Variants in DNAH17 observed in about 807,000 individuals in gnomAD.
DNAH17 encodes dynein axonemal heavy chain 17.
DNAH17 carries 376 observed loss-of-function variants against 485.6 expected under a neutral mutation model. The ratio of observed to expected loss-of-function variants is 0.77; its 90% CI spans 0.71 to 0.84. The LOEUF (loss-of-function observed/expected upper bound fraction) is 0.84, where lower values mean the gene tolerates loss of function less well. Among genes scored for constraint, DNAH17 ranks in the 40% least tolerant of loss-of-function variants. DNAH17 has a pLI of 0.00. For missense variants in DNAH17, 6,370 were observed against 5,839.3 expected, an observed-to-expected ratio of 1.09 and a Z score of -2.96; for synonymous variants, 3,031 against 2,405.9, an observed-to-expected ratio of 1.26 and a Z score of -7.60.
At chr17:78,505,572 G>A (rs1249569892) in intron 30 of DNAH17, 127 bp from the exon 31 acceptor site, 26 of 1,227,834 alleles carry the variant, frequency 2.1e-5, no homozygotes, top group Non-Finnish European at 2.9e-5. Context: ...TTTGATCAAC[G>A]TTGACTAAAC....
rs691291 is a variant in DNAH17, at chr17:78,498,968, C to T, written c.5745+40G>A. 0.83 allele frequency: 1,254,774 copies of T among 1,504,580 alleles called. 525,016 individuals are homozygous for T. The highest frequency in any genetic ancestry group is 0.99 in the East Asian group (41,460 of 42,004). 93.2% of individuals were successfully genotyped at this position (1,504,580 alleles called of 1,614,324 possible). ...GTCACAGGAAAGCTGACGAGCCAGT[C>T]ACCCGACGTGACCCCGAGGCCGCAG... On this transcript the variant is annotated intron_variant, in intron 37 of 80. Transcript: ENST00000389840.
intron 60 of DNAH17, 33 bp downstream of exon 60, chr17:78,459,751 A>C: frequency 2.5e-6 from 4 of 1,610,874 alleles, no homozygotes; most frequent in Non-Finnish European, 3.4e-6. Flanking sequence ...AATCGGAGGG[A>C]AGCCCCGGCT....
At chr17:78,532,001 C>T (rs984484914) in intron 20 of DNAH17, among the ~76,000 whole-genome samples, 7 of 152,184 alleles carry the variant, frequency 4.6e-5, no homozygotes, top group Non-Finnish European at 7.3e-5. Flanking sequence ...TGAGCCAACC[C>T]GGAGCCCACA....
rs761947816 is a variant in DNAH17 at position 78,428,536 on chromosome 17, G to A, written c.12577C>T (p.Arg4193Cys). The A allele has an allele frequency of 2.4e-5, 38 of 1,607,668 alleles. 1 individual carries two copies. The South Asian group carries it at 2.4e-4, about 10-fold the overall frequency. The stretch of plus-strand genomic sequence containing the variant: ...TTCAAAGATCCTGCCTTCTCCTCGC[G>A]GGACACTCCCGTGCCTGCCCCCGAG... ...TDSGAGTGVS[R>C]EEKVKAVLDD... Residue 4193 changes from arginine to cysteine, a missense_variant, in exon 77 of 81, where the codon CGC becomes TGC. Coordinates refer to ENST00000389840, the MANE Select transcript of DNAH17 (RefSeq NM_173628.4).
intron 16 of DNAH17, 30 bp from the exon 17 acceptor site, chr17:78,544,027 G>T (rs778906076): frequency 2.5e-6 from 4 of 1,613,268 alleles, no homozygotes; most frequent in South Asian, 1.1e-5. Flanking sequence ...GTGAGAAAAG[G>T]TGTTCTGGAG....
intron 27 of DNAH17, among the ~76,000 whole-genome samples, chr17:78,508,836 G>A (rs1391138692): frequency 6.6e-6 from 1 of 151,778 alleles, no homozygotes; most frequent in Non-Finnish European, 1.5e-5. Context: ...TAGGGACAGG[G>A]TCCAGCCCAG....
intron 54 of DNAH17, among the ~76,000 whole-genome samples, chr17:78,473,301 C>T (rs2588549): frequency 0.35 from 53,340 of 151,932 alleles, 12,589 homozygotes; most frequent in African/African-American, 0.68. Flanking sequence ...TCCCAGCACT[C>T]TGGGAGGCTG....
Position 78,561,726 on chromosome 17 carries a change from G to C in DNAH17, c.1824C>G (p.His608Gln), listed in dbSNP as rs138390056. 4 of 1,607,574 alleles carry C rather than the reference G, an allele frequency of 2.5e-6. No homozygotes were observed. The African/African-American group carries it at 5.3e-5, about 21-fold the overall frequency. ...RLEVSMKHLK[H>Q]VEHPVMSGAE... Reference sequence around the variant, plus strand: ...GGGCTGTGACTCACGGGTGTTCGACGTGCTTCAGGTGTTTCATGGACACCT... The same window carrying C: ...GGGCTGTGACTCACGGGTGTTCGACCTGCTTCAGGTGTTTCATGGACACCT... Residue 608 changes from histidine to glutamine, a missense_variant, in exon 12 of 81, where the codon CAC becomes CAG. His to Gln is a conservative substitution (Grantham distance 24). Coordinates refer to ENST00000389840, the MANE Select transcript of DNAH17 (RefSeq NM_173628.4).
chr17:78,570,721 G>A (rs1270633809), intron 6 of DNAH17, among the ~76,000 whole-genome samples: 1 of 151,822 alleles, frequency 6.6e-6, no homozygotes, highest in African/African-American at 2.4e-5. Flanking sequence ...AGCTGGGCAT[G>A]GTGGCACATG....
Position 78,507,135 on chromosome 17 carries a change from G to A in DNAH17, c.4676+143C>T, listed in dbSNP as rs919821184. On this transcript the variant is annotated intron_variant, in intron 29 of 80. Transcript: ENST00000389840. ...GAGGCCGGGGAGTGTGTGCTCCCCA[G>A]GGAAAGGCAATTGATTAACCCAGGA... 4 of 977,902 alleles carry A rather than the reference G, an allele frequency of 4.1e-6. No individual in the cohort carries two copies. In the African/African-American group the frequency reaches 4.9e-5, roughly 12 times the overall value. The allele number at this position is 977,902 out of a possible 1,614,324, so 60.6% of individuals were successfully genotyped here. A position where few individuals can be genotyped will look rare whatever the true frequency, so the allele number is the denominator to read the frequency against.
At chr17:78,485,145 G>T (rs978409908) in intron 47 of DNAH17, 112 bp from the exon 48 acceptor site, 31 of 1,379,494 alleles carry the variant, frequency 2.2e-5, no homozygotes, top group Non-Finnish European at 2.8e-5. Context: ...ACCTGGCTGG[G>T]ATCCAAGTTT....
intron 71 of DNAH17, among the ~76,000 whole-genome samples, chr17:78,442,082 C>G (rs930762504): frequency 3.2e-5 from 1 of 31,396 alleles, no homozygotes; most frequent in Non-Finnish European, 5.3e-5. Context: ...GACTCCATCT[C>G]AGAAAAAAAA....
intron 60 of DNAH17, 38 bp from the exon 61 acceptor site, chr17:78,459,246 T>G: frequency 6.3e-7 from 1 of 1,595,808 alleles, no homozygotes; most frequent in Non-Finnish European, 8.6e-7. Flanking sequence ...CGTCACCCTG[T>G]CCTGCTCTGG....
chr17:78,444,202 G>T (rs989836438), intron 71 of DNAH17, among the ~76,000 whole-genome samples: 4 of 152,138 alleles, frequency 2.6e-5, no homozygotes, highest in Admixed American at 6.5e-5. Flanking sequence ...CATTTGTATG[G>T]CCTCAGTGCT....
intron 65 of DNAH17, 104 bp from the exon 66 acceptor site, chr17:78,451,777 C>T: frequency 1.1e-6 from 1 of 941,468 alleles, no homozygotes; most frequent in East Asian, 2.6e-5. Context: ...AGGCCGCCAC[C>T]TTGAACCCTC....
intron 58 of DNAH17, 89 bp from the exon 59 acceptor site, chr17:78,460,346 A>ATGTGTGTGCG: frequency 1.0e-6 from 1 of 977,404 alleles, no homozygotes; most frequent in Non-Finnish European, 1.5e-6. Context: ...ATGTGTGTGC[A>ATGTGTGTGCG]TGTGTGTGCA....
rs368514500 is a variant in DNAH17, at chr17:78,560,861, C to T, written c.1910G>A (p.Arg637His). The T allele has an allele frequency of 1.2e-5, 19 of 1,551,678 alleles. No homozygotes were observed. The highest frequency in any genetic ancestry group is 1.7e-4 in the Middle Eastern group (1 of 6,014). ...CACCCACTGCTGGTAGATCTTCTCG[C>T]GGTGGCACCTCAGCAGCTCCATCAT... ...DEMMELLRCH[R>H]EKIYQQWVAG... Residue 637 changes from arginine (R) to histidine (H), a missense_variant, in exon 13 of 81, where the codon CGC becomes CAC. Arg to His is a conservative substitution (Grantham distance 29). Transcript: ENST00000389840.
At chr17:78,463,101 A>G (rs751092078) in intron 56 of DNAH17, 24 bp from the exon 57 acceptor site, 1 of 1,607,512 alleles carries the variant, frequency 6.2e-7, no homozygotes, top group South Asian at 1.1e-5. Flanking sequence ...ACAGCCAGTC[A>G]TCCCTGGGAC....
chr17:78,500,674 A>G (rs558998810), intron 35 of DNAH17: 68 of 380,626 alleles, frequency 1.8e-4, no homozygotes, highest in African/African-American at 1.0e-3. Context: ...ATGCCCGGCT[A>G]ATTTTTGTAT....
Sources: gnomAD v4.1 joint callset for allele counts (sites outside exome capture counted in the v4.1 genomes callset) on GRCh38, gnomAD v4.1.1 for gene constraint, MANE v1.5 for transcripts, NCBI Gene and HGNC (gene_info 2026-07-23, HGNC 2026-07-21) for gene names.